Variants in GNPTAB observed in about 807,000 individuals in gnomAD.
The protein encoded by GNPTAB is N-acetylglucosamine-1-phosphate transferase subunits alpha and beta.
A neutral mutation model predicts 136.6 loss-of-function variants in GNPTAB; 92 were observed. That is an observed-to-expected ratio of 0.67 (90% CI 0.57 to 0.80). The LOEUF (loss-of-function observed/expected upper bound fraction) is 0.80, where lower values mean the gene tolerates loss of function less well. Among genes scored for constraint, GNPTAB ranks in the 30% least tolerant of loss-of-function variants. The probability of loss-of-function intolerance (pLI) is 0.00; values close to 1 mark genes in which losing one functional copy is unlikely to be tolerated. For missense variants in GNPTAB, 1,343 were observed against 1,501.8 expected (o/e 0.89, Z 1.75); for synonymous variants, 512 against 535.1 (o/e 0.96, Z 0.60).
chr12:101,752,019 T>TAAAAA (rs5800485), intron 19 of GNPTAB, among the ~76,000 whole-genome samples: 1 of 145,912 alleles, frequency 6.9e-6, no homozygotes. Flanking sequence ...ACAGTTAAGT[T>TAAAAA]AAAAAAAAAA....
At chr12:101,770,620 T>C in intron 8 of GNPTAB, 35 bp from the exon 9 acceptor site, 2 of 1,468,852 alleles carry the variant, frequency 1.4e-6, no homozygotes, top group Non-Finnish European at 1.9e-6. Flanking sequence ...AGATGTGAAA[T>C]ACCCCTTAAG....
At chr12:101,781,255 G>A (rs1445119682) in intron 5 of GNPTAB, among the ~76,000 whole-genome samples, 2 of 152,276 alleles carry the variant, frequency 1.3e-5, no homozygotes, top group African/African-American at 4.8e-5. Flanking sequence ...AGGGATTGTG[G>A]AAAACAAAAG....
At chr12:101,785,930 A>G (rs959655921) in intron 5 of GNPTAB, 82 bp downstream of exon 5, 10 of 1,021,704 alleles carry the variant, frequency 9.8e-6, no homozygotes, top group Non-Finnish European at 1.5e-5. Context: ...TTAAGAATGA[A>G]TCATTTCTAT....
At chr12:101,797,338 G>A (rs151178333) in intron 1 of GNPTAB, among the ~76,000 whole-genome samples, 1 of 152,020 alleles carries the variant, frequency 6.6e-6, no homozygotes, top group East Asian at 1.9e-4. Context: ...GAAACAGAAG[G>A]GACAGGCCGG....
chr12:101,761,899 G>C, intron 13 of GNPTAB, 136 bp from the exon 14 acceptor site: 1 of 722,486 alleles, frequency 1.4e-6, no homozygotes, highest in Non-Finnish European at 2.4e-6. Context: ...CATGTTAACG[G>C]GTCACTTTAA....
At chr12:101,796,926 A>C (rs1869327747) in intron 1 of GNPTAB, among the ~76,000 whole-genome samples, 164 bp from the exon 2 acceptor site, 2 of 152,238 alleles carry the variant, frequency 1.3e-5, no homozygotes, top group Admixed American at 1.3e-4. Flanking sequence ...ATCCAGGTGA[A>C]TAAGCTACAG....
chr12:101,770,911 C>CGTGGGG, intron 8 of GNPTAB, 85 bp downstream of exon 8: 2 of 1,269,456 alleles, frequency 1.6e-6, no homozygotes, highest in Non-Finnish European at 2.3e-6. Context: ...TGTAAGTCCC[C>CGTGGGG]TTCCCTCTTC....
rs778417533 is a variant in GNPTAB at position 101,770,033 on chromosome 12, G to A, written c.1272C>T (p.Ser424=). The A allele has an allele frequency of 1.2e-6, 2 of 1,613,914 alleles. No individual in the cohort carries two copies. Among genetic ancestry groups the A allele is most frequent in the African/African-American group, 1.3e-5 (1 of 74,988 alleles). The change falls in exon 10 of 21, where the codon TCC becomes TCT. Residue 424 remains serine (S), a synonymous_variant. Coordinates refer to ENST00000299314, the MANE Select transcript of GNPTAB (RefSeq NM_024312.5). ...CTTAGGCACTCACCTTCTGGCCTTT[G>A]GAGTGACTGTAAAAATCATCTGGCC... ...DVWPDDFYSH[S]KGQKVYLTWP... is the part of the protein sequence containing the mutation.
intron 1 of GNPTAB, among the ~76,000 whole-genome samples, chr12:101,808,858 G>C (rs945905765): frequency 3.9e-5 from 6 of 152,192 alleles, no homozygotes; most frequent in African/African-American, 1.2e-4. Flanking sequence ...CAAGGCAGGA[G>C]AATTGCCTGA....
At chr12:101,780,317 T>C in intron 6 of GNPTAB, 31 bp from the exon 7 acceptor site, 1 of 1,612,374 alleles carries the variant, frequency 6.2e-7, no homozygotes, top group African/African-American at 1.3e-5. Flanking sequence ...TAACTCATTT[T>C]CCACATCATG....
chr12:101,801,231 C>CA (rs35036983), intron 1 of GNPTAB, among the ~76,000 whole-genome samples: 6,839 of 12,736 alleles, frequency 0.54, 2,990 homozygotes, highest in Non-Finnish European at 0.65. Context: ...GACCCTGTCT[C>CA]AAAAAAAAAA....
chr12:101,765,260 T>A lies in GNPTAB; in HGVS notation c.1657A>T (p.Thr553Ser). 1 of 1,613,600 alleles carries A rather than the reference T, an allele frequency of 6.2e-7. No individual in the cohort carries two copies. Among genetic ancestry groups the A allele is most frequent in the South Asian group, 1.1e-5 (1 of 91,056 alleles). Residue 553 changes from threonine to serine, a missense_variant, in exon 13 of 21, where the codon ACT becomes TCT. By Grantham distance (58) the Thr-to-Ser change is moderately conservative (BLOSUM62 1). Coordinates refer to ENST00000299314, the MANE Select transcript of GNPTAB (RefSeq NM_024312.5). ...TCACCTTTTGGAATAATATAGTGAG[T>A]CTGGTTTGGGAGAAGGATCACTTTA... ...LYKVILLPNQ[T>S]HYIIPKGECL...
chr12:101,765,552 C>G (rs1953077917), intron 12 of GNPTAB: 2 of 506,582 alleles, frequency 3.9e-6, no homozygotes, highest in Admixed American at 3.3e-5. Flanking sequence ...TCAAAATAAT[C>G]AGATATCCTA....
intron 8 of GNPTAB, 35 bp downstream of exon 8, chr12:101,770,961 G>A (rs1181623272): frequency 6.3e-7 from 1 of 1,597,078 alleles, no homozygotes; most frequent in Non-Finnish European, 8.6e-7. Context: ...CTTAACCTTT[G>A]ATTTGGGCTG....
At chr12:101,805,762 G>A (rs758047283) in intron 1 of GNPTAB, among the ~76,000 whole-genome samples, 1 of 152,134 alleles carries the variant, frequency 6.6e-6, no homozygotes, top group Non-Finnish European at 1.5e-5. Flanking sequence ...GCAATTGGCA[G>A]TGTGTACCAA....
chr12:101,780,517 A>G, intron 6 of GNPTAB, 40 bp downstream of exon 6: 2 of 1,362,166 alleles, frequency 1.5e-6, no homozygotes, highest in Non-Finnish European at 2.1e-6. Flanking sequence ...TTTTTATTCT[A>G]GTCTATTGTA....
At position 101,795,233 on chromosome 12, in the gene GNPTAB, A is replaced by C. The variant is rs188056179; in HGVS notation, c.203+1444T>G. Among the ~76,000 whole-genome samples the C allele has an allele frequency of 1.3e-3, 201 of 152,256 alleles. 1 individual carries two copies. Among genetic ancestry groups the C allele is most frequent in the Non-Finnish European group, 2.6e-3 (174 of 68,022 alleles). On this transcript the variant is annotated intron_variant, in intron 2 of 20. Transcript: ENST00000299314. Reference sequence around the variant, plus strand: ...ACCCCTCTGAAACCTATACGCAGAAACTCTGGGCTGGGAAGTAACTGTTAT... The same window carrying C: ...ACCCCTCTGAAACCTATACGCAGAACCTCTGGGCTGGGAAGTAACTGTTAT...
At chr12:101,820,988 T>C (rs1403819379) in intron 1 of GNPTAB, among the ~76,000 whole-genome samples, 1 of 134,314 alleles carries the variant, frequency 7.4e-6, no homozygotes, top group Non-Finnish European at 1.5e-5. Flanking sequence ...ACCCAGGAGG[T>C]GGAGGTTGCA....
chr12:101,799,004 G>A (rs1174000963), intron 1 of GNPTAB, among the ~76,000 whole-genome samples: 1 of 152,054 alleles, frequency 6.6e-6, no homozygotes, highest in African/African-American at 2.4e-5. Flanking sequence ...AGTGGTGGTT[G>A]CTGGCCATTT....
Sources: gnomAD v4.1 joint callset for allele counts (sites outside exome capture counted in the v4.1 genomes callset) on GRCh38, gnomAD v4.1.1 for gene constraint, MANE v1.5 for transcripts, NCBI Gene and HGNC (gene_info 2026-07-23, HGNC 2026-07-21) for gene names.